Variants in PKNOX2 observed in about 807,000 individuals in gnomAD.
PKNOX2 encodes the protein homeobox protein PKNOX2.
A neutral mutation model predicts 53.1 loss-of-function variants in PKNOX2; 14 were observed. The ratio of observed to expected loss-of-function variants is 0.26; its 90% CI spans 0.17 to 0.41. The LOEUF (loss-of-function observed/expected upper bound fraction) is 0.41. Among genes scored for constraint, PKNOX2 ranks in the 10% least tolerant of loss-of-function variants. The pLI is 1.00. For missense variants in PKNOX2, 496 were observed against 602.8 expected, an observed-to-expected ratio of 0.82 and a Z score of 1.85; for synonymous variants, 257 against 242.8, an observed-to-expected ratio of 1.06 and a Z score of -0.54.
intron 1 of PKNOX2, among the ~76,000 whole-genome samples, chr11:125,199,255 G>A (rs1025070345): frequency 8.5e-5 from 13 of 152,188 alleles, no homozygotes; most frequent in African/African-American, 3.1e-4. Context: ...CCCTCTGAGA[G>A]CTCCCCAAGC....
At chr11:125,230,047 C>G (rs1359721941) in intron 1 of PKNOX2, among the ~76,000 whole-genome samples, 1 of 152,236 alleles carries the variant, frequency 6.6e-6, no homozygotes, top group Non-Finnish European at 1.5e-5. Flanking sequence ...GGTCCAGGCC[C>G]AAGAGTCGAG....
At chr11:125,364,289 C>G (rs1376538384) in intron 4 of PKNOX2, among the ~76,000 whole-genome samples, 2 of 152,206 alleles carry the variant, frequency 1.3e-5, no homozygotes, top group Middle Eastern at 3.2e-3. Flanking sequence ...TGACTTGGCC[C>G]CCATGAGCTA....
intron 9 of PKNOX2, 190 bp from the exon 10 acceptor site, chr11:125,411,556 A>G: frequency 3.3e-6 from 2 of 597,020 alleles, no homozygotes. Context: ...CCCTTCTCCC[A>G]TCACCCAAGC....
intron 10 of PKNOX2, among the ~76,000 whole-genome samples, chr11:125,417,422 C>T (rs1033442052): frequency 6.6e-6 from 1 of 152,034 alleles, no homozygotes; most frequent in Non-Finnish European, 1.5e-5. Flanking sequence ...TGCAGCGTGC[C>T]GGGTTCTGCA....
chr11:125,305,249 C>T (rs1948358443), intron 2 of PKNOX2, among the ~76,000 whole-genome samples: 1 of 152,162 alleles, frequency 6.6e-6, no homozygotes, highest in South Asian at 2.1e-4. Flanking sequence ...TCACAACCTC[C>T]GGAGTTGTGT....
At position 125,275,285 on chromosome 11, in the gene PKNOX2, G is replaced by T. The variant is rs924659049; in HGVS notation, c.-130+40170G>T. 2.0e-5 allele frequency among the ~76,000 whole-genome samples: 3 copies of T among 152,236 alleles called. No individual in the cohort carries two copies. In the South Asian group the frequency reaches 6.2e-4, roughly 32 times the overall value. Reference sequence around the variant, plus strand: ...GACAGCCATGGGTAGATGGGAGGGAGAGCATCTCAAGCAGAAGGAAAAGCA... The same window carrying T: ...GACAGCCATGGGTAGATGGGAGGGATAGCATCTCAAGCAGAAGGAAAAGCA... On this transcript the variant is annotated intron_variant, in intron 2 of 12. Coordinates refer to ENST00000298282, the MANE Select transcript of PKNOX2 (RefSeq NM_001382323.2).
intron 1 of PKNOX2, among the ~76,000 whole-genome samples, chr11:125,204,407 A>G (rs990035019): frequency 1.3e-5 from 2 of 152,330 alleles, no homozygotes; most frequent in African/African-American, 2.4e-5. Flanking sequence ...GGTGACATCA[A>G]TGCTGCTGGT....
chr11:125,389,299 C>T (rs1052365023), intron 6 of PKNOX2, among the ~76,000 whole-genome samples: 3 of 152,218 alleles, frequency 2.0e-5, no homozygotes, highest in Non-Finnish European at 4.4e-5. Context: ...TTGCCAGGAC[C>T]AGAACCCAGG....
chr11:125,332,910 G>A (rs1384537373), intron 3 of PKNOX2, among the ~76,000 whole-genome samples: 1 of 152,140 alleles, frequency 6.6e-6, no homozygotes, highest in Non-Finnish European at 1.5e-5. Flanking sequence ...TGGCAACAAT[G>A]CTCGTCCTTC....
At chr11:125,399,518 G>A (rs570550556) in intron 7 of PKNOX2, among the ~76,000 whole-genome samples, 1 of 152,288 alleles carries the variant, frequency 6.6e-6, no homozygotes, top group African/African-American at 2.4e-5. Context: ...AAATGGAGAT[G>A]CACATTTTTA....
At chr11:125,283,569 G>A (rs1399418693) in intron 2 of PKNOX2, among the ~76,000 whole-genome samples, 1 of 152,252 alleles carries the variant, frequency 6.6e-6, no homozygotes, top group African/African-American at 2.4e-5. Flanking sequence ...TGGCAGGGTA[G>A]AGATGTGCCA....
In PKNOX2 at chr11:125,165,736, C is replaced by T. The variant is rs1015498302; in HGVS notation, c.-201+960C>T. 6.6e-6 allele frequency among the ~76,000 whole-genome samples: 1 copy of T among 152,116 alleles called. No individual in the cohort carries two copies. The highest frequency in any genetic ancestry group is 1.5e-5 in the Non-Finnish European group (1 of 68,004). ...CTTTGGTGAGGCGGGCGTAGGGGCC[C>T]GCGCGAGGCTTGGGAATCGGGAGCC... is the stretch of plus-strand genomic sequence containing the variant. On this transcript the variant is annotated intron_variant, in intron 1 of 12. Coordinates refer to ENST00000298282, the MANE Select transcript of PKNOX2 (RefSeq NM_001382323.2). The surrounding 1 kb of genome is among the most constrained non-coding windows in gnomAD (Gnocchi z 4.5).
intron 5 of PKNOX2, among the ~76,000 whole-genome samples, chr11:125,383,535 T>G (rs1263329623): frequency 2.0e-5 from 3 of 151,602 alleles, no homozygotes; most frequent in Non-Finnish European, 4.4e-5. Flanking sequence ...GAGGATCACT[T>G]GAACCCTGGA....
chr11:125,424,185 A>G (rs574048617), intron 10 of PKNOX2, among the ~76,000 whole-genome samples: 1 of 152,126 alleles, frequency 6.6e-6, no homozygotes, highest in South Asian at 2.1e-4. Context: ...GGGTGGTTAC[A>G]TGGGTGTTTG....
chr11:125,411,458 GTCTTTCTC>G lies in PKNOX2; in HGVS notation c.817-284_817-277del, dbSNP rs1396347185. 158 of 321,546 alleles carry G rather than the reference GTCTTTCTC, an allele frequency of 4.9e-4. No individual in the cohort carries two copies. In the African/African-American group the frequency reaches 5.1e-3, roughly 10 times the overall value. 19.9% of individuals were successfully genotyped at this position (321,546 alleles called of 1,614,324 possible). A position where few individuals can be genotyped will look rare whatever the true frequency, so the allele number is the denominator to read the frequency against. On this transcript the variant is annotated intron_variant, in intron 9 of 12. Coordinates refer to ENST00000298282, the MANE Select transcript of PKNOX2 (RefSeq NM_001382323.2). The stretch of plus-strand genomic sequence containing the variant: ...CTCTCTGCATGGCCCTGTTTCCTCT[GTCTTTCTC>G]TCTCTCTCTCTCTCTCTCTCTCTCT...
At chr11:125,355,316 A>G (rs1490103861) in intron 4 of PKNOX2, among the ~76,000 whole-genome samples, 1 of 151,274 alleles carries the variant, frequency 6.6e-6, no homozygotes. Context: ...GTGCAAAAGC[A>G]ACAACCTAGT....
At chr11:125,282,909 T>C (rs980600565) in intron 2 of PKNOX2, among the ~76,000 whole-genome samples, 2 of 152,210 alleles carry the variant, frequency 1.3e-5, no homozygotes, top group African/African-American at 2.4e-5. Flanking sequence ...CCCAGCACTT[T>C]GGGGTGCTGA....
At position 125,256,630 on chromosome 11, in the gene PKNOX2, C is replaced by G. The variant is rs115073265; in HGVS notation, c.-130+21515C>G. On this transcript the variant is annotated intron_variant, in intron 2 of 12. Coordinates refer to ENST00000298282, the MANE Select transcript of PKNOX2 (RefSeq NM_001382323.2). ...GGTGGTCAGCGGTGCCTCCCCCTGC[C>G]AGTCCTCATCCTTGAGCCCCTGAAC... 3.5e-3 allele frequency among the ~76,000 whole-genome samples: 537 copies of G among 152,306 alleles called. 2 individuals are homozygous for G. The highest frequency in any genetic ancestry group is 0.012 in the African/African-American group (501 of 41,584).
rs544060385 is a variant in PKNOX2 at position 125,323,523 on chromosome 11, G to A, written c.-129-8296G>A. 3.9e-5 allele frequency among the ~76,000 whole-genome samples: 6 copies of A among 152,298 alleles called. No homozygotes were observed. The East Asian group carries it at 5.8e-4, about 15-fold the overall frequency. On this transcript the variant is annotated intron_variant, in intron 2 of 12. Coordinates refer to ENST00000298282, the MANE Select transcript of PKNOX2 (RefSeq NM_001382323.2). ...GCTATGCCCCAGGGTGCAGGTCATC[G>A]GATTGGCACCATCTCCATAAGCGGT...
Sources: allele counts gnomAD v4.1 joint callset (sites outside exome capture counted in the v4.1 genomes callset), GRCh38; gene constraint gnomAD v4.1.1; non-coding constraint Gnocchi (gnomAD v3.1); transcripts MANE v1.5; gene names NCBI Gene and HGNC (gene_info 2026-07-23, HGNC 2026-07-21).